RBMS3: variants seen among roughly 807,000 people sequenced by gnomAD.
The protein encoded by RBMS3 is RNA binding motif single stranded interacting protein 3.
A neutral mutation model predicts 66.8 loss-of-function variants in RBMS3; 27 were observed. That is an observed-to-expected ratio of 0.40 (90% CI 0.30 to 0.56). The LOEUF (loss-of-function observed/expected upper bound fraction) is 0.56, where lower values mean the gene tolerates loss of function less well. RBMS3 is among the 20% of genes least tolerant of loss of function. The pLI is 0.40. For missense variants in RBMS3, 513 were observed against 549.5 expected (o/e 0.93, Z 0.66); for synonymous variants, 188 against 183.0 (o/e 1.03, Z -0.22).
chr3:29,551,029 G>A (rs1299035586), intron 3 of RBMS3, among the ~76,000 whole-genome samples: 7 of 152,320 alleles, frequency 4.6e-5, no homozygotes, highest in Middle Eastern at 3.4e-3. Context: ...TTACTTGGCA[G>A]TAGAGAGGTC....
At position 29,488,429 on chromosome 3, in the gene RBMS3, T is replaced by A; in HGVS notation, c.249-12T>A. ...ACAATAACATGGGTTTTTTTCTCTCTCTCTCTTTCAGGTATGGAAAAATTG... is the reference window on the plus strand; with the variant it reads ...ACAATAACATGGGTTTTTTTCTCTCACTCTCTTTCAGGTATGGAAAAATTG... On this transcript the variant is annotated splice_polypyrimidine_tract_variant and intron_variant, in intron 2 of 14. Coordinates refer to ENST00000383767, the MANE Select transcript of RBMS3 (RefSeq NM_001003793.3). 6.3e-7 allele frequency: 1 copy of A among 1,596,328 alleles called. No homozygotes were observed. The highest frequency in any genetic ancestry group is 8.6e-7 in the Non-Finnish European group (1 of 1,164,622).
chr3:29,992,459 T>C (rs909211957), intron 14 of RBMS3, among the ~76,000 whole-genome samples: 2 of 151,736 alleles, frequency 1.3e-5, no homozygotes, highest in African/African-American at 2.4e-5. Context: ...TGGTGGCGGG[T>C]GCCTGTAGTC....
chr3:29,776,957 A>G (rs966563822), intron 6 of RBMS3, among the ~76,000 whole-genome samples: 1 of 151,830 alleles, frequency 6.6e-6, no homozygotes, highest in Non-Finnish European at 1.5e-5. Flanking sequence ...TGCTCTGGTA[A>G]TTCTCAGATT....
intron 12 of RBMS3, among the ~76,000 whole-genome samples, chr3:29,957,182 T>C (rs1476312467): frequency 6.6e-6 from 1 of 152,142 alleles, no homozygotes. Context: ...TTGTAACATT[T>C]AGCACACTGA....
chr3:29,415,775 AT>A (rs11286612), intron 1 of RBMS3, among the ~76,000 whole-genome samples: 10,722 of 151,214 alleles, frequency 0.071, 814 homozygotes, highest in African/African-American at 0.19. Context: ...TGACAATGAA[AT>A]TTTTTTTTTA....
At chr3:29,815,781 A>C (rs1359045599) in intron 6 of RBMS3, among the ~76,000 whole-genome samples, 4 of 151,424 alleles carry the variant, frequency 2.6e-5, no homozygotes, top group Non-Finnish European at 5.9e-5. Flanking sequence ...CGAGGACTCA[A>C]GGAGGGAGAA....
At chr3:29,476,573 C>T (rs1459132362) in intron 2 of RBMS3, among the ~76,000 whole-genome samples, 1 of 152,098 alleles carries the variant, frequency 6.6e-6, no homozygotes, top group Non-Finnish European at 1.5e-5. Flanking sequence ...AACAGCTTTA[C>T]CTAGCATGCA....
chr3:29,945,426 C>T (rs1331745000), intron 12 of RBMS3, among the ~76,000 whole-genome samples: 3 of 151,652 alleles, frequency 2.0e-5, no homozygotes, highest in African/African-American at 7.3e-5. Flanking sequence ...CATTTGGCCG[C>T]GAAGTCATTT....
rs1553702216 is a variant in RBMS3 at position 29,930,109 on chromosome 3, C to CTTTTCTTT, written c.940-5973_940-5972insCTTTTTTT. Among the ~76,000 whole-genome samples the CTTTTCTTT allele has an allele frequency of 3.5e-3, 154 of 43,616 alleles. 2 individuals carry two copies. The highest frequency in any genetic ancestry group is 6.6e-3 in the Non-Finnish European group (128 of 19,382). 28.6% of individuals were successfully genotyped at this position (43,616 alleles called of 152,430 possible). ...TACTTTGTGTCACTTTTCTTTCTTT[C>CTTTTCTTT]TTTTTTTTTTTTTTTTTTTTGAGAT... On this transcript the variant is annotated intron_variant, in intron 10 of 14. Transcript: ENST00000383767.
chr3:29,473,555 G>T (rs1490605075), intron 2 of RBMS3, among the ~76,000 whole-genome samples: 1 of 152,218 alleles, frequency 6.6e-6, no homozygotes, highest in Non-Finnish European at 1.5e-5. Context: ...TGGAACCAGG[G>T]GTGGCGCTCG....
At chr3:29,472,868 A>G (rs2042788619) in intron 2 of RBMS3, among the ~76,000 whole-genome samples, 1 of 152,162 alleles carries the variant, frequency 6.6e-6, no homozygotes, top group Non-Finnish European at 1.5e-5. Context: ...AGCGGTTGCC[A>G]TGGCTGGCTG....
intron 1 of RBMS3, among the ~76,000 whole-genome samples, chr3:29,356,331 C>G (rs1459723386): frequency 6.6e-6 from 1 of 152,114 alleles, no homozygotes; most frequent in African/African-American, 2.4e-5. Context: ...TGGGAAAATA[C>G]TTTTGTTCTA....
chr3:29,962,711 C>G (rs1409012920), intron 12 of RBMS3, among the ~76,000 whole-genome samples: 1 of 151,944 alleles, frequency 6.6e-6, no homozygotes, highest in Non-Finnish European at 1.5e-5. Context: ...TATTAAGACT[C>G]TTTTCATAAC....
In RBMS3 at chr3:29,431,301, C is replaced by CTTTTTTTTTTTTTTTTTT. The variant is rs548031550; in HGVS notation, c.76-3430_76-3429insTTTTTTTTTTTTTTTTTT. Reference sequence around the variant, plus strand: ...TGTTTCTTTCTTTCTTTTTCCTTTTCTTTTTTTTTTTTGACAGAGTCTCAC... The same window carrying CTTTTTTTTTTTTTTTTTT: ...TGTTTCTTTCTTTCTTTTTCCTTTTCTTTTTTTTTTTTTTTTTTTTTTTTTTTTTTGACAGAGTCTCAC... On this transcript the variant is annotated intron_variant, in intron 1 of 14. Coordinates refer to ENST00000383767, the MANE Select transcript of RBMS3 (RefSeq NM_001003793.3). Among the ~76,000 whole-genome samples the CTTTTTTTTTTTTTTTTTT allele has an allele frequency of 1.5e-5, 2 of 132,400 alleles. 1 individual carries two copies. Among genetic ancestry groups the CTTTTTTTTTTTTTTTTTT allele is most frequent in the African/African-American group, 5.7e-5 (2 of 34,998 alleles). 86.9% of individuals were successfully genotyped at this position (132,400 alleles called of 152,430 possible). A position where few individuals can be genotyped will look rare whatever the true frequency, so the allele number is the denominator to read the frequency against.
Position 29,595,826 on chromosome 3 carries a change from C to T in RBMS3, c.399+8621C>T, listed in dbSNP as rs561051292. On this transcript the variant is annotated intron_variant, in intron 4 of 14. Coordinates refer to ENST00000383767, the MANE Select transcript of RBMS3 (RefSeq NM_001003793.3). ...TCAAAATTTGGTTTAGCCATTCAGTCACAGGGAGTGCCGGACAACCATGTG... is the reference window on the plus strand; with the variant it reads ...TCAAAATTTGGTTTAGCCATTCAGTTACAGGGAGTGCCGGACAACCATGTG... 3.3e-5 allele frequency among the ~76,000 whole-genome samples: 5 copies of T among 152,306 alleles called. 1 individual carries two copies. In the South Asian group the frequency reaches 1.0e-3, roughly 32 times the overall value.
At chr3:29,356,510 A>G (rs568785971) in intron 1 of RBMS3, among the ~76,000 whole-genome samples, 2 of 152,312 alleles carry the variant, frequency 1.3e-5, no homozygotes, top group Admixed American at 1.3e-4. Context: ...TGCTAAAACT[A>G]GCCAGAATGT....
intron 4 of RBMS3, among the ~76,000 whole-genome samples, chr3:29,652,244 G>C (rs1019009447): frequency 6.6e-6 from 1 of 152,062 alleles, no homozygotes; most frequent in Admixed American, 6.6e-5. Context: ...AATTTCAGCT[G>C]TCTGGTTTTT....
chr3:29,477,792 G>A, intron 2 of RBMS3, among the ~76,000 whole-genome samples: 1 of 151,984 alleles, frequency 6.6e-6, no homozygotes, highest in South Asian at 2.1e-4. Context: ...TTGAGACAGG[G>A]TCTCACTCTG....
At chr3:29,906,847 T>C (rs187227471) in intron 10 of RBMS3, among the ~76,000 whole-genome samples, 4 of 152,228 alleles carry the variant, frequency 2.6e-5, no homozygotes, top group Admixed American at 2.6e-4. Context: ...GCATACAATA[T>C]ACCCATTATA....
Sources: gnomAD v4.1 joint callset for allele counts (sites outside exome capture counted in the v4.1 genomes callset) on GRCh38, gnomAD v4.1.1 for gene constraint, MANE v1.5 for transcripts, NCBI Gene and HGNC (gene_info 2026-07-23, HGNC 2026-07-21) for gene names.